The following GRK2 variants were observed in gnomAD, a reference collection of about 807,000 sequenced individuals.
GRK2 encodes adrenergic beta receptor kinase 1.
Under a neutral mutation model 97.8 loss-of-function variants are expected in GRK2, and 23 were observed. The observed-to-expected ratio is 0.24, with a 90% CI of 0.17 to 0.33. The LOEUF is 0.33. Ranked by LOEUF, GRK2 falls within the 10% of genes least tolerant of loss-of-function variation. The pLI, the probability that GRK2 is intolerant of heterozygous loss-of-function variation, is 1.00. For missense variants in GRK2, 633 were observed against 956.9 expected (o/e 0.66, Z 4.47); for synonymous variants, 425 against 381.7 (o/e 1.11, Z -1.32).
In GRK2 at chr11:67,284,666, G is replaced by A; in HGVS notation, c.1655-181G>A. 3 of 856,868 alleles carry A rather than the reference G, an allele frequency of 3.5e-6. No homozygotes were observed. In the South Asian group the frequency reaches 5.5e-5, roughly 16 times the overall value. 53.1% of individuals were successfully genotyped at this position (856,868 alleles called of 1,614,324 possible). A position where few individuals can be genotyped will look rare whatever the true frequency, so the allele number is the denominator to read the frequency against. On this transcript the variant is annotated intron_variant, in intron 18 of 20. Coordinates refer to ENST00000308595, the MANE Select transcript of GRK2 (RefSeq NM_001619.5). ...TAGCCGGGCATGGTGGCACGCGCCTGTACTCCCAGCTACCCGGGAGGCTGA... is the reference window on the plus strand; with the variant it reads ...TAGCCGGGCATGGTGGCACGCGCCTATACTCCCAGCTACCCGGGAGGCTGA...
intron 19 of GRK2, 25 bp from the exon 20 acceptor site, chr11:67,285,050 G>A: frequency 6.2e-7 from 1 of 1,612,772 alleles, no homozygotes; most frequent in Non-Finnish European, 8.5e-7. Context: ...GCTCTTACCT[G>A]CACCACCCAT....
At position 67,284,382 on chromosome 11, in the gene GRK2, C is replaced by A; in HGVS notation, c.1654+9C>A. 6.2e-7 allele frequency: 1 copy of A among 1,611,166 alleles called. No individual in the cohort carries two copies. Among genetic ancestry groups the A allele is most frequent in the South Asian group, 1.1e-5 (1 of 91,034 alleles). On this transcript the variant is annotated intron_variant, in intron 18 of 20. Transcript: ENST00000308595. ...GCTGGGCCATGAGGAAGGTGAGGGT[C>A]GCCGGCTGCTGCGGCACCAGGCCCC...
rs370768597 is a variant in GRK2 at position 67,281,575 on chromosome 11, G to A, written c.747+17G>A. ...AGCACTGGGGTGAGCTGGGTGGGCC[G>A]GGCTGCCGCTGAGGCTCTGGAACCC... is the stretch of plus-strand genomic sequence containing the variant. On this transcript the variant is annotated intron_variant, in intron 9 of 20. Coordinates refer to ENST00000308595, the MANE Select transcript of GRK2 (RefSeq NM_001619.5). The surrounding 1 kb of genome is among the most constrained non-coding windows in gnomAD (Gnocchi z 5.7). 16 of 1,612,476 alleles carry A rather than the reference G, an allele frequency of 9.9e-6. No individual in the cohort carries two copies. Among genetic ancestry groups the A allele is most frequent in the African/African-American group, 9.3e-5 (7 of 74,902 alleles).
chr11:67,280,923 GGGCCGGGATCCCAGCATGGGGA>G, intron 7 of GRK2, 140 bp downstream of exon 7: 1 of 1,184,886 alleles, frequency 8.4e-7, no homozygotes, highest in Non-Finnish European at 1.2e-6. Context: ...ATGGGGGTCA[GGGCCGGGATCCCAGCATGGGGA>G]GGCCGGAGCA....
Position 67,273,495 on chromosome 11 carries a change from C to T in GRK2, c.114-3777C>T, listed in dbSNP as rs75926620. Among the ~76,000 whole-genome samples the T allele has an allele frequency of 7.0e-3, 1,073 of 152,286 alleles. 44 individuals are homozygous for T. The East Asian group carries it at 0.12, about 17-fold the overall frequency. On this transcript the variant is annotated intron_variant, in intron 1 of 20. Coordinates refer to ENST00000308595, the MANE Select transcript of GRK2 (RefSeq NM_001619.5). The stretch of plus-strand genomic sequence containing the variant: ...AGGCTGTCCCACCCCTGTGCTCGCC[C>T]GTGCTTGCCACCCTGGCAGGAGCTG...
intron 1 of GRK2, among the ~76,000 whole-genome samples, chr11:67,272,784 G>A (rs147528171): frequency 2.3e-4 from 35 of 152,380 alleles, no homozygotes; most frequent in African/African-American, 7.2e-4. Context: ...CACTGGGCCC[G>A]CAGTAGAGCA....
At chr11:67,271,540 C>T (rs919194165) in intron 1 of GRK2, among the ~76,000 whole-genome samples, 2 of 152,266 alleles carry the variant, frequency 1.3e-5, no homozygotes, top group Non-Finnish European at 2.9e-5. Context: ...ATGCAGATTA[C>T]GGTCTCCATG....
chr11:67,284,400 C>T (rs376317972), intron 18 of GRK2, 27 bp downstream of exon 18: 2 of 1,608,358 alleles, frequency 1.2e-6, no homozygotes, highest in Non-Finnish European at 1.7e-6. Flanking sequence ...GCTGCGGCAC[C>T]AGGCCCCTGC....
chr11:67,282,477 C>T lies in GRK2; in HGVS notation c.1095C>T (p.Gly365=), dbSNP rs374165239. The T allele has an allele frequency of 5.6e-6, 9 of 1,613,630 alleles. No homozygotes were observed. The highest frequency in any genetic ancestry group is 3.3e-5 in the Admixed American group (2 of 60,024). ...GYMAPEVLQK[G]VAYDSSADWF... ...TGGCTCCGGAGGTCCTGCAGAAGGG[C>T]GTGGCCTACGACAGCAGTGCCGACT... is the stretch of plus-strand genomic sequence containing the variant. Residue 365 remains glycine, a synonymous_variant, in exon 13 of 21, where the codon GGC becomes GGT. Transcript: ENST00000308595. This position sits in a 1 kb window ranked among gnomAD's most constrained non-coding sequence, Gnocchi z 6.9.
rs1191463546 is a variant in GRK2 at position 67,279,204 on chromosome 11, C to T, written c.195C>T (p.Tyr65=). ...ACCTTACACTGTTGCCTTCAGGGTA[C>T]CTGCTCTTCCGAGACTTCTGCCTGA... ...FEKIFSQKLG[Y]LLFRDFCLNH... The change falls in exon 3 of 21, where the codon TAC becomes TAT. Residue 65 remains tyrosine (Y), a synonymous_variant. Coordinates refer to ENST00000308595, the MANE Select transcript of GRK2 (RefSeq NM_001619.5). 2 of 1,613,040 alleles carry T rather than the reference C, an allele frequency of 1.2e-6. No individual in the cohort carries two copies. The highest frequency in any genetic ancestry group is 1.1e-5 in the South Asian group (1 of 91,048).
At chr11:67,270,055 G>A (rs1859874651) in intron 1 of GRK2, among the ~76,000 whole-genome samples, 1 of 152,180 alleles carries the variant, frequency 6.6e-6, no homozygotes, top group South Asian at 2.1e-4. Flanking sequence ...GGACCCAGGC[G>A]AGTCCCTTAG....
chr11:67,273,742 G>A (rs1859961300), intron 1 of GRK2, among the ~76,000 whole-genome samples: 1 of 152,130 alleles, frequency 6.6e-6, no homozygotes, highest in South Asian at 2.1e-4. Context: ...GCTGTGGGCT[G>A]GGAAGAATGT....
rs535763507 is a variant in GRK2 at position 67,279,960 on chromosome 11, A to G, written c.503+60A>G. 8.4e-6 allele frequency: 13 copies of G among 1,553,788 alleles called. No individual in the cohort carries two copies. The South Asian group carries it at 1.0e-4, about 12-fold the overall frequency. On this transcript the variant is annotated intron_variant, in intron 6 of 20. Transcript: ENST00000308595. ...GGGAGGGGCCGCTCTCAGAAGGGGT[A>G]TGGCTGGCGTGGAGGGCAGAAGCCA...
intron 1 of GRK2, among the ~76,000 whole-genome samples, chr11:67,274,529 TTTCA>T: frequency 7.0e-6 from 1 of 141,980 alleles, no homozygotes; most frequent in Admixed American, 7.1e-5. Flanking sequence ...TTTTGCTTTT[TTTCA>T]TCCCCTTCTG....
At chr11:67,284,548 G>A (rs1296571859) in intron 18 of GRK2, 175 bp downstream of exon 18, 2 of 785,150 alleles carry the variant, frequency 2.5e-6, no homozygotes, top group East Asian at 2.7e-5. Flanking sequence ...ACTTTGGGAG[G>A]CCAAGGAGCG....
In GRK2 at chr11:67,284,836, T is replaced by A; in HGVS notation, c.1655-11T>A. ...TGGGGCCGGCTGAGTCTCCTCTGTCTCTCGCCTCAGACTACGCCCTGGGCA... is the reference window on the plus strand; with the variant it reads ...TGGGGCCGGCTGAGTCTCCTCTGTCACTCGCCTCAGACTACGCCCTGGGCA... On this transcript the variant is annotated splice_polypyrimidine_tract_variant and intron_variant, in intron 18 of 20. Transcript: ENST00000308595. 1 of 1,611,482 alleles carries A rather than the reference T, an allele frequency of 6.2e-7. No homozygotes were observed. The highest frequency in any genetic ancestry group is 8.5e-7 in the Non-Finnish European group (1 of 1,179,594).
At chr11:67,272,705 G>A (rs1341735710) in intron 1 of GRK2, among the ~76,000 whole-genome samples, 1 of 152,234 alleles carries the variant, frequency 6.6e-6, no homozygotes, top group Non-Finnish European at 1.5e-5. Context: ...CCCAAAGCTG[G>A]GTGGGCACCA....
At chr11:67,280,401 C>CA in intron 6 of GRK2, 1 of 444,502 alleles carries the variant, frequency 2.2e-6, no homozygotes, top group South Asian at 2.4e-5. Context: ...TGGGGGTATG[C>CA]AAGCAGGGAC....
rs368782127 is a variant in GRK2 at position 67,266,832 on chromosome 11, G to C, written c.113+20G>C. 301 of 1,192,042 alleles carry C rather than the reference G, an allele frequency of 2.5e-4. No individual in the cohort carries two copies. The African/African-American group carries it at 4.4e-3, about 17-fold the overall frequency. 73.8% of individuals were successfully genotyped at this position (1,192,042 alleles called of 1,614,324 possible). The stretch of plus-strand genomic sequence containing the variant: ...GCCCAGGTGAGGAGAAGCTGCCCGC[G>C]GCCCCGGCCCGACCCCGCGGGCGCC... On this transcript the variant is annotated intron_variant, in intron 1 of 20. Coordinates refer to ENST00000308595, the MANE Select transcript of GRK2 (RefSeq NM_001619.5).
Sources: gnomAD v4.1 joint callset for allele counts (sites outside exome capture counted in the v4.1 genomes callset) on GRCh38, gnomAD v4.1.1 for gene constraint, Gnocchi (gnomAD v3.1) non-coding constraint, MANE v1.5 for transcripts, NCBI Gene and HGNC (gene_info 2026-07-23, HGNC 2026-07-21) for gene names.